Variants in NKAIN2 observed in about 807,000 individuals in gnomAD.
NKAIN2 encodes sodium/potassium transporting ATPase interacting 2.
In NKAIN2, 14 loss-of-function variants were observed where a neutral mutation model predicts 32.6. The observed-to-expected ratio is 0.43, with a 90% confidence interval of 0.28 to 0.67. NKAIN2 has a LOEUF of 0.67. Among genes scored for constraint, NKAIN2 ranks in the 30% least tolerant of loss-of-function variants. The probability of loss-of-function intolerance (pLI) is 0.17; values close to 1 mark genes in which losing one functional copy is unlikely to be tolerated. For missense variants in NKAIN2, 198 were observed against 258.3 expected, an observed-to-expected ratio of 0.77 and a Z score of 1.60; for synonymous variants, 80 against 87.2, an observed-to-expected ratio of 0.92 and a Z score of 0.46.
chr6:123,893,718 C>G (rs910631117), intron 1 of NKAIN2, among the ~76,000 whole-genome samples: 1 of 152,180 alleles, frequency 6.6e-6, no homozygotes, highest in African/African-American at 2.4e-5. Flanking sequence ...AAATAAAAGG[C>G]AGCTATGAAG....
chr6:123,823,052 C>G (rs2114893063), intron 1 of NKAIN2, among the ~76,000 whole-genome samples: 1 of 152,164 alleles, frequency 6.6e-6, no homozygotes, highest in East Asian at 1.9e-4. Context: ...AAACAGAGGA[C>G]CAATTCAAAT....
chr6:124,112,568 G>A (rs1414039552), intron 1 of NKAIN2, among the ~76,000 whole-genome samples: 1 of 152,008 alleles, frequency 6.6e-6, no homozygotes, highest in South Asian at 2.1e-4. Flanking sequence ...TCTTATTGAT[G>A]TTCTTTGGAT....
At chr6:124,038,216 T>C (rs549766862) in intron 1 of NKAIN2, among the ~76,000 whole-genome samples, 17 of 152,176 alleles carry the variant, frequency 1.1e-4, no homozygotes, top group African/African-American at 3.6e-4. Context: ...TTTAGTGATA[T>C]GGTCTGCAAT....
intron 1 of NKAIN2, among the ~76,000 whole-genome samples, chr6:123,887,438 A>G (rs1773777530): frequency 6.6e-6 from 1 of 152,166 alleles, no homozygotes; most frequent in Admixed American, 6.6e-5. Flanking sequence ...CATTTTCCAC[A>G]GTAAAACCAG....
At chr6:124,785,775 C>T (rs565645732) in intron 4 of NKAIN2, among the ~76,000 whole-genome samples, 13 of 152,100 alleles carry the variant, frequency 8.5e-5, no homozygotes, top group Non-Finnish European at 1.3e-4. Context: ...ATGGGGGTGG[C>T]GGACTGGCCT....
At chr6:124,521,288 T>C (rs903890295) in intron 3 of NKAIN2, among the ~76,000 whole-genome samples, 6 of 152,200 alleles carry the variant, frequency 3.9e-5, no homozygotes, top group Non-Finnish European at 8.8e-5. Flanking sequence ...TTTCTATACA[T>C]CTTTTATTAA....
At chr6:124,065,413 A>G (rs1237510053) in intron 1 of NKAIN2, among the ~76,000 whole-genome samples, 1 of 152,168 alleles carries the variant, frequency 6.6e-6, no homozygotes, top group Non-Finnish European at 1.5e-5. Context: ...TCATATGTTG[A>G]AACTTATTGA....
At chr6:124,714,802 G>A (rs1331673661) in intron 4 of NKAIN2, among the ~76,000 whole-genome samples, 1 of 152,190 alleles carries the variant, frequency 6.6e-6, no homozygotes, top group Non-Finnish European at 1.5e-5. Flanking sequence ...TCAGAGTGGA[G>A]GTCCTCCTCT....
chr6:124,297,843 A>C (rs943265700), intron 2 of NKAIN2, among the ~76,000 whole-genome samples: 1 of 152,054 alleles, frequency 6.6e-6, no homozygotes, highest in East Asian at 1.9e-4. Flanking sequence ...AAAACCCTCA[A>C]AATTTCATAA....
chr6:124,445,567 C>T (rs1775854715), intron 3 of NKAIN2, among the ~76,000 whole-genome samples: 2 of 151,924 alleles, frequency 1.3e-5, no homozygotes, highest in Admixed American at 1.3e-4. Context: ...TTTTTTTCCT[C>T]ACAGTTATCA....
intron 1 of NKAIN2, among the ~76,000 whole-genome samples, chr6:124,034,603 T>C (rs1781533303): frequency 1.3e-5 from 2 of 152,106 alleles, no homozygotes; most frequent in African/African-American, 4.8e-5. Flanking sequence ...GTCTTTTTGA[T>C]AGAATTACTT....
intron 1 of NKAIN2, among the ~76,000 whole-genome samples, chr6:124,168,346 T>G (rs1312515202): frequency 2.0e-5 from 3 of 152,114 alleles, no homozygotes; most frequent in African/African-American, 7.2e-5. Flanking sequence ...TCTGGGAATT[T>G]TAGCTACAAC....
chr6:123,931,019 G>C (rs554884584), intron 1 of NKAIN2, among the ~76,000 whole-genome samples: 61 of 152,054 alleles, frequency 4.0e-4, no homozygotes, highest in South Asian at 2.1e-3. Flanking sequence ...TGCGATGAAG[G>C]CGGGGCAGGT....
intron 1 of NKAIN2, among the ~76,000 whole-genome samples, chr6:123,918,479 G>A (rs959912098): frequency 6.6e-6 from 1 of 152,130 alleles, no homozygotes; most frequent in Admixed American, 6.5e-5. Flanking sequence ...AATATCAACC[G>A]CATGGCAGAA....
chr6:124,779,412 C>T (rs1779158800), intron 4 of NKAIN2, among the ~76,000 whole-genome samples: 1 of 150,968 alleles, frequency 6.6e-6, no homozygotes, highest in Admixed American at 6.6e-5. Flanking sequence ...ATCATGAAAT[C>T]CTAAAGCAAA....
intron 3 of NKAIN2, among the ~76,000 whole-genome samples, chr6:124,637,762 G>A (rs1409509765): frequency 6.6e-6 from 1 of 151,782 alleles, no homozygotes; most frequent in Non-Finnish European, 1.5e-5. Context: ...AAATTAAAGA[G>A]GACCCCCAAA....
chr6:124,063,082 A>T (rs1374240496), intron 1 of NKAIN2, among the ~76,000 whole-genome samples: 1 of 152,012 alleles, frequency 6.6e-6, no homozygotes, highest in Non-Finnish European at 1.5e-5. Context: ...GCTACTTGGG[A>T]GGCTGAGACA....
intron 1 of NKAIN2, among the ~76,000 whole-genome samples, chr6:123,921,566 G>A (rs542770949): frequency 2.0e-5 from 3 of 152,208 alleles, no homozygotes; most frequent in East Asian, 1.9e-4. Context: ...TTGTTTTAGC[G>A]TTCATTACTC....
chr6:124,482,441 C>T (rs1284330334), intron 3 of NKAIN2, among the ~76,000 whole-genome samples: 2 of 152,168 alleles, frequency 1.3e-5, no homozygotes, highest in Non-Finnish European at 2.9e-5. Context: ...AACATGAACT[C>T]AGCCAAAGTG....
Sources: allele counts gnomAD v4.1 joint callset (sites outside exome capture counted in the v4.1 genomes callset), GRCh38; gene constraint gnomAD v4.1.1; transcripts MANE v1.5; gene names NCBI Gene and HGNC (gene_info 2026-07-23, HGNC 2026-07-21).